PCLO: variants seen among roughly 807,000 people sequenced by gnomAD.
PCLO encodes the protein protein piccolo.
A neutral mutation model predicts 427.5 loss-of-function variants in PCLO; 82 were observed. The ratio of observed to expected loss-of-function variants is 0.19; its 90% CI spans 0.16 to 0.23. PCLO has a LOEUF of 0.23. Among genes scored for constraint, PCLO ranks in the 10% least tolerant of loss-of-function variants. The pLI is 1.00. For missense variants in PCLO, 6,239 were observed against 6,115.9 expected (o/e 1.02, Z -0.67); for synonymous variants, 2,357 against 2,155.4 (o/e 1.09, Z -2.59).
At chr7:82,769,937 C>T (rs1008258891) in intron 22 of PCLO, among the ~76,000 whole-genome samples, 1 of 152,098 alleles carries the variant, frequency 6.6e-6, no homozygotes, top group African/African-American at 2.4e-5. Flanking sequence ...CGTGAGATGG[C>T]AGGCAAGTCA....
intron 3 of PCLO, among the ~76,000 whole-genome samples, chr7:82,971,973 A>G (rs1156799902): frequency 6.6e-6 from 1 of 151,706 alleles, no homozygotes; most frequent in Non-Finnish European, 1.5e-5. Flanking sequence ...TTTATGTTTC[A>G]TCTATGTTAT....
intron 3 of PCLO, among the ~76,000 whole-genome samples, chr7:83,130,754 A>G (rs539772488): frequency 1.3e-3 from 204 of 152,288 alleles, no homozygotes; most frequent in Middle Eastern, 3.4e-3. Flanking sequence ...AGGCAGACAG[A>G]GTAAAGATCT....
intron 10 of PCLO, among the ~76,000 whole-genome samples, chr7:82,871,291 T>C (rs1793230809): frequency 6.6e-6 from 1 of 152,038 alleles, no homozygotes; most frequent in African/African-American, 2.4e-5. Flanking sequence ...AATGAAATCA[T>C]ATTATTTGCA....
Position 83,078,313 on chromosome 7 carries a change from G to A in PCLO, c.3300+55937C>T, listed in dbSNP as rs557429723. ...TTCAAGTAGAATTTACAATAGTCTG[G>A]TAGCTCTGCACCAGCTCTTATTTAT... is the stretch of plus-strand genomic sequence containing the variant. On this transcript the variant is annotated intron_variant, in intron 3 of 24. Coordinates refer to ENST00000333891, the MANE Select transcript of PCLO (RefSeq NM_033026.6). Among the ~76,000 whole-genome samples, 8 of 152,032 alleles carry A rather than the reference G, an allele frequency of 5.3e-5. No homozygotes were observed. The South Asian group carries it at 1.7e-3, about 32-fold the overall frequency.
chr7:83,063,718 A>G (rs1378450368), intron 3 of PCLO, among the ~76,000 whole-genome samples: 1 of 152,042 alleles, frequency 6.6e-6, no homozygotes, highest in Non-Finnish European at 1.5e-5. Flanking sequence ...TATATAAATT[A>G]CTTCTCCTAT....
intron 3 of PCLO, among the ~76,000 whole-genome samples, chr7:83,036,482 C>A (rs10256025): frequency 0.024 from 3,715 of 152,166 alleles, 155 homozygotes; most frequent in African/African-American, 0.085. Context: ...ATATTGCTCA[C>A]CTGATTTCTC....
At chr7:83,159,195 T>C (rs1792374307) in intron 1 of PCLO, among the ~76,000 whole-genome samples, 1 of 152,092 alleles carries the variant, frequency 6.6e-6, no homozygotes, top group Admixed American at 6.5e-5. Context: ...TAATGTTTCT[T>C]GAATTGCTTT....
intron 10 of PCLO, among the ~76,000 whole-genome samples, chr7:82,869,621 C>T (rs62461398): frequency 0.26 from 38,897 of 151,606 alleles, 5,338 homozygotes; most frequent in Middle Eastern, 0.3. Context: ...AGTGTGATAT[C>T]GGTGTAGGGA....
chr7:82,852,463 T>C (rs1368543547), intron 10 of PCLO, among the ~76,000 whole-genome samples: 1 of 152,118 alleles, frequency 6.6e-6, no homozygotes, highest in East Asian at 1.9e-4. Context: ...GGCCTTCATC[T>C]TTCTCTAGTG....
At chr7:83,129,526 G>A (rs1791519226) in intron 3 of PCLO, among the ~76,000 whole-genome samples, 1 of 152,064 alleles carries the variant, frequency 6.6e-6, no homozygotes. Flanking sequence ...ACTAGTGGTG[G>A]CAGTGTTGAC....
chr7:82,835,040 G>A (rs1411179500), intron 16 of PCLO, among the ~76,000 whole-genome samples: 1 of 151,924 alleles, frequency 6.6e-6, no homozygotes, highest in Non-Finnish European at 1.5e-5. Context: ...CACCTCCTAG[G>A]TTCACGCTAT....
chr7:82,865,592 T>C (rs566458670), intron 10 of PCLO, among the ~76,000 whole-genome samples: 2 of 152,226 alleles, frequency 1.3e-5, no homozygotes, highest in East Asian at 3.9e-4. Flanking sequence ...TAAAATAAGA[T>C]GCAAGACTTA....
At chr7:82,832,068 C>T (rs1792106885) in intron 16 of PCLO, among the ~76,000 whole-genome samples, 1 of 152,038 alleles carries the variant, frequency 6.6e-6, no homozygotes. Flanking sequence ...AGTAAACACA[C>T]TATATTCTCT....
intron 18 of PCLO, among the ~76,000 whole-genome samples, chr7:82,825,227 T>C (rs556064006): frequency 1.3e-5 from 2 of 152,264 alleles, no homozygotes; most frequent in South Asian, 4.1e-4. Context: ...ATCTTAGATA[T>C]GATGAGCTAA....
chr7:82,798,977 A>T (rs755655010), intron 22 of PCLO, among the ~76,000 whole-genome samples: 9 of 152,208 alleles, frequency 5.9e-5, no homozygotes, highest in Non-Finnish European at 1.3e-4. Context: ...AAGTTTAAAT[A>T]AAAATAAAGT....
chr7:83,094,210 CTTTTT>C (rs767490139), intron 3 of PCLO, among the ~76,000 whole-genome samples: 1 of 126,020 alleles, frequency 7.9e-6, no homozygotes. Context: ...ATTTTTTTTT[CTTTTT>C]TTTTTTTTTT....
At chr7:82,981,416 G>A (rs1242997614) in intron 3 of PCLO, among the ~76,000 whole-genome samples, 2 of 152,078 alleles carry the variant, frequency 1.3e-5, no homozygotes, top group African/African-American at 4.8e-5. Flanking sequence ...TTCAAAAAGT[G>A]TAAGGAAAAC....
intron 6 of PCLO, among the ~76,000 whole-genome samples, chr7:82,930,791 CT>C (rs1794822657): frequency 6.6e-6 from 1 of 152,122 alleles, no homozygotes; most frequent in South Asian, 2.1e-4. Context: ...TTTCATTAAT[CT>C]TTTGGCTCCT....
At chr7:83,158,609 T>A (rs566016703) in intron 1 of PCLO, among the ~76,000 whole-genome samples, 1 of 152,008 alleles carries the variant, frequency 6.6e-6, no homozygotes, top group Non-Finnish European at 1.5e-5. Context: ...AATATTTCAC[T>A]TAATCCATCA....
Sources: gnomAD v4.1 joint callset for allele counts (sites outside exome capture counted in the v4.1 genomes callset) on GRCh38, gnomAD v4.1.1 for gene constraint, MANE v1.5 for transcripts, NCBI Gene and HGNC (gene_info 2026-07-23, HGNC 2026-07-21) for gene names.